VAT1L: variants seen among roughly 807,000 people sequenced by gnomAD.
VAT1L encodes vesicle amine transport 1 like.
In VAT1L, 34 loss-of-function variants were observed where a neutral mutation model predicts 44.1. That is an observed-to-expected ratio of 0.77 (90% CI 0.59 to 1.03). VAT1L has a LOEUF of 1.03. Ranked by LOEUF, VAT1L falls within the 50% of genes least tolerant of loss-of-function variation. VAT1L has a pLI of 0.00. For synonymous variants in VAT1L, 253 were observed against 202.2 expected (o/e 1.25, Z -2.13); for missense variants, 615 against 538.8 (o/e 1.14, Z -1.40).
chr16:77,963,781 G>A (rs1346479250), intron 7 of VAT1L, among the ~76,000 whole-genome samples: 2 of 151,918 alleles, frequency 1.3e-5, no homozygotes, highest in Non-Finnish European at 2.9e-5. Context: ...TGGTAAACAG[G>A]GGAATATTGG....
At chr16:77,789,654 C>A (rs749069254) in intron 1 of VAT1L, among the ~76,000 whole-genome samples, 2 of 152,044 alleles carry the variant, frequency 1.3e-5, no homozygotes. Context: ...TGCAGCGCAA[C>A]CCCCTCCATG....
At chr16:77,797,387 A>C (rs1380855432) in intron 1 of VAT1L, among the ~76,000 whole-genome samples, 1 of 152,206 alleles carries the variant, frequency 6.6e-6, no homozygotes, top group East Asian at 1.9e-4. Context: ...CTGGGATTAC[A>C]GGCGTGAGCC....
At chr16:77,795,813 CTTTTTT>C (rs56725954) in intron 1 of VAT1L, among the ~76,000 whole-genome samples, 6,399 of 100,676 alleles carry the variant, frequency 0.064, 182 homozygotes, top group Admixed American at 0.12. Context: ...CCTTTTTTCT[CTTTTTT>C]TTTTTTTTTT....
In VAT1L at chr16:77,884,346, C is replaced by T. The variant is rs894380656; in HGVS notation, c.883-262C>T. Among the ~76,000 whole-genome samples, 5 of 152,004 alleles carry T rather than the reference C, an allele frequency of 3.3e-5. No individual in the cohort carries two copies. The highest frequency in any genetic ancestry group is 1.9e-4 in the East Asian group (1 of 5,170). ...GGCTGGGGCAGAGAATTACTTGAAC[C>T]CGGGAGGCAGACGTTGCAGTAAGCT... On this transcript the variant is annotated intron_variant, in intron 6 of 8. Transcript: ENST00000302536. The surrounding 1 kb of genome is among the most constrained non-coding windows in gnomAD (Gnocchi z 4.5).
chr16:77,844,918 C>G lies in VAT1L; in HGVS notation c.580-17830C>G, dbSNP rs570903567. Among the ~76,000 whole-genome samples, 4 of 152,128 alleles carry G rather than the reference C, an allele frequency of 2.6e-5. No homozygotes were observed. The South Asian group carries it at 8.3e-4, about 32-fold the overall frequency. On this transcript the variant is annotated intron_variant, in intron 3 of 8. Transcript: ENST00000302536. ...CATAGAGAATATCAGGCAGAGAGAC[C>G]TACTGCACATTAAATCATCAAAGAT...
chr16:77,888,724 C>G (rs868541936), intron 7 of VAT1L, among the ~76,000 whole-genome samples: 22 of 152,184 alleles, frequency 1.4e-4, no homozygotes, highest in African/African-American at 5.3e-4. Context: ...GAAAATGTCC[C>G]CAGACATTGT....
chr16:77,825,873 A>AC (rs34068819), intron 3 of VAT1L, among the ~76,000 whole-genome samples: 2 of 149,352 alleles, frequency 1.3e-5, no homozygotes, highest in African/African-American at 5.0e-5. Context: ...AAAAAAAAAA[A>AC]TTAGCCGGGC....
chr16:77,947,461 T>C (rs2017983185), intron 7 of VAT1L, among the ~76,000 whole-genome samples: 1 of 152,176 alleles, frequency 6.6e-6, no homozygotes, highest in African/African-American at 2.4e-5. Flanking sequence ...GCCTCCATAA[T>C]TCCCAGTTGT....
At chr16:77,873,700 A>G (rs2017057238) in intron 4 of VAT1L, among the ~76,000 whole-genome samples, 1 of 152,156 alleles carries the variant, frequency 6.6e-6, no homozygotes, top group Non-Finnish European at 1.5e-5. Flanking sequence ...GCATAAAGGA[A>G]ACTAAAATGG....
rs187249545 is a variant in VAT1L at position 77,971,490 on chromosome 16, G to A, written c.1078-360G>A. ...GTAAGCAGGGCACAAATGACCTTCA[G>A]AAAATATCTCTATTGGTCAAAATCT... On this transcript the variant is annotated intron_variant, in intron 7 of 8. Coordinates refer to ENST00000302536, the MANE Select transcript of VAT1L (RefSeq NM_020927.3). Among the ~76,000 whole-genome samples the A allele has an allele frequency of 2.1e-3, 320 of 152,262 alleles. 6 individuals are homozygous for A. The South Asian group carries it at 0.055, about 26-fold the overall frequency.
chr16:77,925,739 T>C (rs567479028), intron 7 of VAT1L, among the ~76,000 whole-genome samples: 1 of 152,254 alleles, frequency 6.6e-6, no homozygotes, highest in Non-Finnish European at 1.5e-5. Context: ...ATAAAATAGA[T>C]GGTGATCCTG....
intron 1 of VAT1L, among the ~76,000 whole-genome samples, chr16:77,807,439 T>C (rs1030172729): frequency 3.9e-5 from 6 of 152,164 alleles, no homozygotes; most frequent in African/African-American, 1.4e-4. Flanking sequence ...CATGTCTTTG[T>C]TCAGAATTAC....
At chr16:77,825,085 T>G (rs1485630523) in intron 2 of VAT1L, among the ~76,000 whole-genome samples, 161 bp from the exon 3 acceptor site, 1 of 152,044 alleles carries the variant, frequency 6.6e-6, no homozygotes, top group East Asian at 2.0e-4. Context: ...CAGGCTGGTC[T>G]TGAACTCCTG....
intron 3 of VAT1L, among the ~76,000 whole-genome samples, chr16:77,841,881 CT>C (rs1480413674): frequency 4.7e-5 from 7 of 150,146 alleles, no homozygotes; most frequent in South Asian, 4.2e-4. Context: ...CAAGGGCTTT[CT>C]TTTTTTCTTT....
chr16:77,867,856 TA>T (rs11379354), intron 4 of VAT1L, among the ~76,000 whole-genome samples: 4,366 of 137,092 alleles, frequency 0.032, 99 homozygotes, highest in African/African-American at 0.062. Context: ...GAGACTATCT[TA>T]AAAAAAAAAA....
At chr16:77,860,931 G>T (rs768421794) in intron 3 of VAT1L, among the ~76,000 whole-genome samples, 6 of 152,202 alleles carry the variant, frequency 3.9e-5, no homozygotes, top group Non-Finnish European at 5.9e-5. Context: ...GCATAACAAT[G>T]GAAAGTGGTA....
intron 1 of VAT1L, among the ~76,000 whole-genome samples, chr16:77,803,191 C>T (rs1181196909): frequency 6.6e-6 from 1 of 152,122 alleles, no homozygotes; most frequent in Non-Finnish European, 1.5e-5. Context: ...ACTCTCTCCT[C>T]CTTAGGATCC....
chr16:77,818,831 T>A (rs1337723111), intron 2 of VAT1L, among the ~76,000 whole-genome samples: 1 of 152,172 alleles, frequency 6.6e-6, no homozygotes, highest in African/African-American at 2.4e-5. Flanking sequence ...GACACTAGTA[T>A]TCCATCTATA....
At chr16:77,910,812 G>A (rs898858034) in intron 7 of VAT1L, among the ~76,000 whole-genome samples, 2 of 152,088 alleles carry the variant, frequency 1.3e-5, no homozygotes, top group African/African-American at 2.4e-5. Flanking sequence ...AAAACTGTCA[G>A]TGCATCATCA....
Sources: gnomAD v4.1 joint callset for allele counts (sites outside exome capture counted in the v4.1 genomes callset) on GRCh38, gnomAD v4.1.1 for gene constraint, Gnocchi (gnomAD v3.1) non-coding constraint, MANE v1.5 for transcripts, NCBI Gene and HGNC (gene_info 2026-07-23, HGNC 2026-07-21) for gene names.